The following PKP4 variants were observed in gnomAD, a reference collection of about 807,000 sequenced individuals.
The protein encoded by PKP4 is plakophilin-4.
In PKP4, 90 loss-of-function variants were observed where a neutral mutation model predicts 145.1. The ratio of observed to expected loss-of-function variants is 0.62; its 90% CI spans 0.52 to 0.74. PKP4 has a LOEUF of 0.74. PKP4 is among the 30% of genes least tolerant of loss of function. The pLI, the probability that PKP4 is intolerant of heterozygous loss-of-function variation, is 0.00. For missense variants in PKP4, 1,340 were observed against 1,482.7 expected (o/e 0.90, Z 1.58); for synonymous variants, 563 against 577.2 (o/e 0.98, Z 0.35).
chr2:158,577,429 C>T (rs374589716), intron 3 of PKP4, 46 bp downstream of exon 3: 112 of 1,197,366 alleles, frequency 9.4e-5, no homozygotes, highest in Admixed American at 4.6e-4. Flanking sequence ...AAGTTACATG[C>T]CTTACTAGGT....
At chr2:158,526,034 C>G (rs1293894565) in intron 1 of PKP4, among the ~76,000 whole-genome samples, 2 of 151,730 alleles carry the variant, frequency 1.3e-5, no homozygotes, top group Admixed American at 6.6e-5. Context: ...GATGGATTCA[C>G]AGCCGAATTC....
At chr2:158,578,513 A>G (rs1324048334) in intron 3 of PKP4, among the ~76,000 whole-genome samples, 1 of 136,754 alleles carries the variant, frequency 7.3e-6, no homozygotes, top group East Asian at 2.2e-4. Context: ...CGTTAAGTTA[A>G]AACTGTGAAA....
chr2:158,461,379 TC>T (rs1465503911), intron 1 of PKP4, among the ~76,000 whole-genome samples: 1 of 152,238 alleles, frequency 6.6e-6, no homozygotes, highest in African/African-American at 2.4e-5. Flanking sequence ...ATATCACTGA[TC>T]ATTTTATTAT....
chr2:158,475,869 A>C (rs943159895), intron 1 of PKP4, among the ~76,000 whole-genome samples: 4 of 152,202 alleles, frequency 2.6e-5, no homozygotes, highest in Admixed American at 2.6e-4. Context: ...GAAGAATCAC[A>C]ACCCAATACA....
At chr2:158,531,345 G>C (rs556640761) in intron 1 of PKP4, among the ~76,000 whole-genome samples, 1 of 151,696 alleles carries the variant, frequency 6.6e-6, no homozygotes, top group African/African-American at 2.4e-5. Context: ...AAAATTTTTG[G>C]TTCTTGGCAT....
chr2:158,583,894 C>G (rs2048553431), intron 3 of PKP4, among the ~76,000 whole-genome samples: 1 of 151,808 alleles, frequency 6.6e-6, no homozygotes, highest in Non-Finnish European at 1.5e-5. Flanking sequence ...ACCTTTGTGT[C>G]GAGGGCAGAC....
chr2:158,561,707 C>T (rs190489745), intron 2 of PKP4, among the ~76,000 whole-genome samples: 4 of 152,264 alleles, frequency 2.6e-5, no homozygotes, highest in East Asian at 3.9e-4. Context: ...GATTGTGGAG[C>T]GCAGGCACTG....
chr2:158,484,265 T>C (rs935777973), intron 1 of PKP4, among the ~76,000 whole-genome samples: 7 of 152,092 alleles, frequency 4.6e-5, no homozygotes, highest in African/African-American at 1.7e-4. Flanking sequence ...GCCAGGATGG[T>C]CTCGATCTCC....
intron 9 of PKP4, 88 bp from the exon 10 acceptor site, chr2:158,640,539 G>A (rs996919362): frequency 3.5e-6 from 5 of 1,420,658 alleles, no homozygotes; most frequent in East Asian, 2.3e-5. Context: ...TGTCTCAGCT[G>A]AGCTTTTTTT....
intron 1 of PKP4, among the ~76,000 whole-genome samples, chr2:158,465,799 A>T (rs964164305): frequency 6.6e-6 from 1 of 152,196 alleles, no homozygotes; most frequent in South Asian, 2.1e-4. Context: ...AAGTCTGTTT[A>T]AAAAAGGCAC....
chr2:158,587,484 T>A (rs1443113589), intron 3 of PKP4, among the ~76,000 whole-genome samples: 1 of 152,064 alleles, frequency 6.6e-6, no homozygotes, highest in Non-Finnish European at 1.5e-5. Context: ...AGTACTTTAA[T>A]AGGTTATACA....
chr2:158,514,289 G>A (rs2041758838), intron 1 of PKP4, among the ~76,000 whole-genome samples: 1 of 152,154 alleles, frequency 6.6e-6, no homozygotes. Flanking sequence ...AAGAGCGTAT[G>A]GTTAGATTGC....
At chr2:158,637,302 G>T (rs1177021026) in intron 9 of PKP4, among the ~76,000 whole-genome samples, 1 of 152,104 alleles carries the variant, frequency 6.6e-6, no homozygotes, top group African/African-American at 2.4e-5. Flanking sequence ...GTTCAGTGAG[G>T]TCTGCACTCT....
chr2:158,630,632 G>A (rs1443492446), intron 7 of PKP4, among the ~76,000 whole-genome samples: 2 of 152,164 alleles, frequency 1.3e-5, no homozygotes, highest in East Asian at 1.9e-4. Context: ...TTATATAGGC[G>A]TTCTCTTAGA....
intron 4 of PKP4, among the ~76,000 whole-genome samples, chr2:158,603,781 T>C (rs1192127860): frequency 1.3e-5 from 2 of 152,210 alleles, no homozygotes; most frequent in East Asian, 3.8e-4. Flanking sequence ...CCCATGGAGC[T>C]TACATCGTAA....
At chr2:158,591,361 T>G (rs2049263411) in intron 3 of PKP4, among the ~76,000 whole-genome samples, 1 of 152,074 alleles carries the variant, frequency 6.6e-6, no homozygotes, top group African/African-American at 2.4e-5. Flanking sequence ...GTATCTATAT[T>G]TAGAGATACA....
intron 1 of PKP4, among the ~76,000 whole-genome samples, chr2:158,470,645 G>T (rs1203930734): frequency 1.3e-5 from 2 of 152,180 alleles, no homozygotes; most frequent in Non-Finnish European, 2.9e-5. Context: ...TCCAAGGTTG[G>T]ACTTGCTTAC....
intron 4 of PKP4, 55 bp downstream of exon 4, chr2:158,603,159 A>T: frequency 1.1e-6 from 1 of 916,228 alleles, no homozygotes; most frequent in South Asian, 1.8e-5. Context: ...TACATAGCCT[A>T]CTCTCTTAAC....
chr2:158,598,040 G>A (rs532621747), intron 3 of PKP4, among the ~76,000 whole-genome samples: 4 of 152,018 alleles, frequency 2.6e-5, no homozygotes, highest in African/African-American at 9.7e-5. Flanking sequence ...TGCCCCGGCT[G>A]GTCTCAAACA....
Sources: allele counts gnomAD v4.1 joint callset (sites outside exome capture counted in the v4.1 genomes callset), GRCh38; gene constraint gnomAD v4.1.1; transcripts MANE v1.5; gene names NCBI Gene and HGNC (gene_info 2026-07-23, HGNC 2026-07-21).